The following CADPS2 variants were observed in gnomAD, a reference collection of about 807,000 sequenced individuals.
CADPS2 encodes calcium-dependent secretion activator 2.
Under a neutral mutation model 172.5 loss-of-function variants are expected in CADPS2, and 93 were observed. The observed-to-expected ratio is 0.54, with a 90% CI of 0.46 to 0.64. The LOEUF is 0.64. Among genes scored for constraint, CADPS2 ranks in the 30% least tolerant of loss-of-function variants. The pLI is 0.00. For missense variants in CADPS2, 1,420 were observed against 1,565.9 expected, an observed-to-expected ratio of 0.91 and a Z score of 1.57; for synonymous variants, 546 against 555.2, an observed-to-expected ratio of 0.98 and a Z score of 0.23.
chr7:122,652,234 A>ACT (rs148185064), intron 3 of CADPS2, among the ~76,000 whole-genome samples: 84 of 149,166 alleles, frequency 5.6e-4, no homozygotes, highest in Admixed American at 1.5e-3. Context: ...CCTAGTGAAA[A>ACT]CTCTCTCTCT....
At chr7:122,710,648 A>G (rs1178615745) in intron 2 of CADPS2, among the ~76,000 whole-genome samples, 1 of 152,070 alleles carries the variant, frequency 6.6e-6, no homozygotes. Flanking sequence ...CTCAATCCTG[A>G]AAAACTTTTT....
At chr7:122,414,153 GTCA>G in intron 18 of CADPS2, 77 bp from the exon 19 acceptor site, 2 of 1,099,514 alleles carry the variant, frequency 1.8e-6, no homozygotes, top group Non-Finnish European at 2.5e-6. Context: ...TTTAAAAAAG[GTCA>G]TCATAATAGT....
At chr7:122,395,293 A>G (rs1049038299) in intron 20 of CADPS2, among the ~76,000 whole-genome samples, 1 of 152,212 alleles carries the variant, frequency 6.6e-6, no homozygotes, top group Non-Finnish European at 1.5e-5. Flanking sequence ...AGGAAATATA[A>G]CAGATTTTTT....
chr7:122,517,454 T>A (rs997676686), intron 8 of CADPS2, among the ~76,000 whole-genome samples: 1 of 152,068 alleles, frequency 6.6e-6, no homozygotes. Context: ...AAAGTACATG[T>A]TTAACTTTAC....
At chr7:122,712,797 A>G (rs541035269) in intron 2 of CADPS2, among the ~76,000 whole-genome samples, 42 of 152,218 alleles carry the variant, frequency 2.8e-4, no homozygotes, top group African/African-American at 9.1e-4. Context: ...TGGTTAATAG[A>G]AAGCACCTTT....
intron 8 of CADPS2, among the ~76,000 whole-genome samples, chr7:122,517,561 G>T (rs1404196956): frequency 6.6e-6 from 1 of 151,982 alleles, no homozygotes; most frequent in Non-Finnish European, 1.5e-5. Context: ...ATCAGAGAAG[G>T]TTACCATTAT....
chr7:122,729,768 A>G (rs1053588900), intron 2 of CADPS2, among the ~76,000 whole-genome samples: 1 of 149,634 alleles, frequency 6.7e-6, no homozygotes, highest in African/African-American at 2.5e-5. Flanking sequence ...ACAGATAGGG[A>G]AACAGTTCCA....
At chr7:122,674,533 A>G (rs2082206990) in intron 2 of CADPS2, among the ~76,000 whole-genome samples, 1 of 152,218 alleles carries the variant, frequency 6.6e-6, no homozygotes, top group African/African-American at 2.4e-5. Context: ...GTCGCGGTGA[A>G]CTAATAACAA....
At chr7:122,489,987 TGATGTAA>T in intron 11 of CADPS2, 87 bp downstream of exon 11, 1 of 986,632 alleles carries the variant, frequency 1.0e-6, no homozygotes, top group Non-Finnish European at 1.5e-6. Context: ...AATCAATTAA[TGATGTAA>T]ACTATAATAC....
At chr7:122,577,618 A>G (rs951739165) in intron 7 of CADPS2, among the ~76,000 whole-genome samples, 1 of 152,194 alleles carries the variant, frequency 6.6e-6, no homozygotes, top group Non-Finnish European at 1.5e-5. Context: ...CTGTTTAAAC[A>G]TTCACACACA....
In CADPS2 at chr7:122,388,638, A is replaced by C. The variant is rs571459391; in HGVS notation, c.3109T>G (p.Leu1037Val). Residue 1037 changes from leucine to valine, a missense_variant, in exon 23 of 30, where the codon TTA becomes GTA. Coordinates refer to ENST00000449022, the MANE Select transcript of CADPS2 (RefSeq NM_017954.11). ...HWPEQEFAHH[L>V]EQRLKLMASD... ...GCCATTAGTTTAAGTCTTTGCTCTAAGTGGTGGGCAAATTCCTGTTCTGGC... is the reference window on the plus strand; with the variant it reads ...GCCATTAGTTTAAGTCTTTGCTCTACGTGGTGGGCAAATTCCTGTTCTGGC... 6.2e-7 allele frequency: 1 copy of C among 1,610,464 alleles called. No individual in the cohort carries two copies. Among genetic ancestry groups the C allele is most frequent in the South Asian group, 1.1e-5 (1 of 90,572 alleles).
In CADPS2 at chr7:122,513,251, G is replaced by T; in HGVS notation, c.1540C>A (p.Gln514Lys). The T allele has an allele frequency of 6.4e-7, 1 of 1,556,230 alleles. No individual in the cohort carries two copies. Among genetic ancestry groups the T allele is most frequent in the South Asian group, 1.2e-5 (1 of 84,508 alleles). Residue 514 changes from glutamine (Q) to lysine (K), a missense_variant and splice_region_variant, in exon 9 of 30, where the codon CAG becomes AAG. Gln to Lys is a moderately conservative substitution (Grantham distance 53). Transcript: ENST00000449022. ...RWKKRYFVLV[Q>K]VSQYTFAMCS... ...TTTAACAGGAAAAAATGACTAACCTGAACTAGAACAAAGTAACGTTTTTTC... is the reference window on the plus strand; with the variant it reads ...TTTAACAGGAAAAAATGACTAACCTTAACTAGAACAAAGTAACGTTTTTTC...
chr7:122,457,367 G>A (rs761182394), intron 14 of CADPS2, among the ~76,000 whole-genome samples: 28 of 152,124 alleles, frequency 1.8e-4, no homozygotes, highest in Non-Finnish European at 3.4e-4. Flanking sequence ...AATTTCAGGG[G>A]TTTGTAACAC....
intron 2 of CADPS2, among the ~76,000 whole-genome samples, chr7:122,677,113 T>C (rs1269131832): frequency 2.0e-5 from 3 of 152,206 alleles, no homozygotes; most frequent in African/African-American, 7.2e-5. Flanking sequence ...TATGATCAGG[T>C]GTCATAAGCA....
chr7:122,615,197 C>T lies in CADPS2; in HGVS notation c.1207G>A (p.Glu403Lys), dbSNP rs2074766219. The change falls in exon 6 of 30, where the codon GAA becomes AAA. Residue 403 changes from glutamate (E) to lysine (K), a missense_variant. Physicochemically the swap from Glu to Lys is moderately conservative, Grantham distance 56. Transcript: ENST00000449022. ...EGEKLQTDQA[E>K]ASRPQWGTQG... ...CTGGCTTACTGTGGCCTTGAGGCTT[C>T]GGCCTGGTCTGTCTGAAGTTTTTCT... The T allele has an allele frequency of 3.2e-6, 5 of 1,541,840 alleles. No individual in the cohort carries two copies. The highest frequency in any genetic ancestry group is 2.4e-5 in the East Asian group (1 of 41,500).
chr7:122,832,349 G>T (rs557973302), intron 1 of CADPS2, among the ~76,000 whole-genome samples: 67 of 150,560 alleles, frequency 4.5e-4, no homozygotes, highest in Middle Eastern at 7.1e-3. Flanking sequence ...ACAATAGTAA[G>T]TAAAACTTTT....
At chr7:122,577,994 T>G (rs1323871085) in intron 7 of CADPS2, among the ~76,000 whole-genome samples, 2 of 151,948 alleles carry the variant, frequency 1.3e-5, no homozygotes, top group African/African-American at 4.8e-5. Context: ...TAAAACTTTA[T>G]CTACAGATGT....
At chr7:122,599,502 C>T (rs973236767) in intron 6 of CADPS2, among the ~76,000 whole-genome samples, 1 of 151,852 alleles carries the variant, frequency 6.6e-6, no homozygotes, top group African/African-American at 2.4e-5. Context: ...CTAGAAATAC[C>T]ACATACTGAG....
intron 12 of CADPS2, among the ~76,000 whole-genome samples, chr7:122,479,030 T>A (rs546173270): frequency 6.6e-6 from 1 of 151,994 alleles, no homozygotes; most frequent in Non-Finnish European, 1.5e-5. Flanking sequence ...TGAGAAATCA[T>A]GGATGTAAAA....
Sources: gnomAD v4.1 joint callset for allele counts (sites outside exome capture counted in the v4.1 genomes callset) on GRCh38, gnomAD v4.1.1 for gene constraint, MANE v1.5 for transcripts, NCBI Gene and HGNC (gene_info 2026-07-23, HGNC 2026-07-21) for gene names.